Variants in TRAPPC9 observed in about 807,000 individuals in gnomAD.
The protein encoded by TRAPPC9 is trafficking protein particle complex subunit 9, also known as IKK2 binding protein.
In TRAPPC9, 83 loss-of-function variants were observed where a neutral mutation model predicts 124.0. The ratio of observed to expected loss-of-function variants is 0.67; its 90% CI spans 0.56 to 0.80. The LOEUF (loss-of-function observed/expected upper bound fraction) is 0.80. TRAPPC9 is among the 30% of genes least tolerant of loss of function. TRAPPC9 has a pLI of 0.00. For missense variants in TRAPPC9, 1,302 were observed against 1,508.3 expected, an observed-to-expected ratio of 0.86 and a Z score of 2.27; for synonymous variants, 638 against 617.5, an observed-to-expected ratio of 1.03 and a Z score of -0.49.
intron 9 of TRAPPC9, among the ~76,000 whole-genome samples, chr8:140,338,640 C>T (rs1353656883): frequency 1.3e-5 from 2 of 152,190 alleles, no homozygotes; most frequent in African/African-American, 4.8e-5. Context: ...GTCCTTATAA[C>T]GAGAGGGGAT....
At chr8:139,867,652 T>A (rs1481920166) in intron 21 of TRAPPC9, among the ~76,000 whole-genome samples, 1 of 152,220 alleles carries the variant, frequency 6.6e-6, no homozygotes, top group Admixed American at 6.5e-5. Context: ...AGCCTCACTT[T>A]TGTGACATTC....
At chr8:139,942,468 C>T (rs1218584089) in intron 19 of TRAPPC9, among the ~76,000 whole-genome samples, 1 of 152,180 alleles carries the variant, frequency 6.6e-6, no homozygotes, top group East Asian at 1.9e-4. Context: ...ATTCTCAAGA[C>T]ACCTGAGAAA....
chr8:140,292,289 C>G (rs1170864083), intron 11 of TRAPPC9, among the ~76,000 whole-genome samples: 1 of 152,048 alleles, frequency 6.6e-6, no homozygotes, highest in Non-Finnish European at 1.5e-5. Context: ...GTATGATAAC[C>G]CCCGTCACTG....
intron 18 of TRAPPC9, among the ~76,000 whole-genome samples, chr8:140,017,100 T>C (rs1214374952): frequency 6.6e-6 from 1 of 152,238 alleles, no homozygotes; most frequent in African/African-American, 2.4e-5. Flanking sequence ...TCAAATTTTC[T>C]ATTTATCACC....
At chr8:140,035,776 C>A (rs913134802) in intron 17 of TRAPPC9, among the ~76,000 whole-genome samples, 1 of 152,216 alleles carries the variant, frequency 6.6e-6, no homozygotes, top group Non-Finnish European at 1.5e-5. Flanking sequence ...CACCGGGAAT[C>A]GGCCTGAAGA....
intron 21 of TRAPPC9, among the ~76,000 whole-genome samples, chr8:139,792,993 G>A (rs1822805749): frequency 6.6e-6 from 1 of 152,196 alleles, no homozygotes; most frequent in African/African-American, 2.4e-5. Context: ...CACAGGACTA[G>A]CTTGCCACCT....
chr8:140,121,572 G>A (rs979866283), intron 17 of TRAPPC9, among the ~76,000 whole-genome samples: 4 of 152,214 alleles, frequency 2.6e-5, no homozygotes, highest in African/African-American at 9.6e-5. Context: ...AGAAGCCCCA[G>A]AGAGGACAGA....
intron 17 of TRAPPC9, among the ~76,000 whole-genome samples, chr8:140,053,319 A>T (rs995814529): frequency 6.6e-6 from 1 of 152,228 alleles, no homozygotes; most frequent in Admixed American, 6.5e-5. Context: ...AGGCTGACCC[A>T]ATTGTTGTCC....
chr8:139,739,510 G>A (rs1396695955), intron 21 of TRAPPC9, among the ~76,000 whole-genome samples: 1 of 152,218 alleles, frequency 6.6e-6, no homozygotes, highest in East Asian at 1.9e-4. Flanking sequence ...CCCGGGCTGT[G>A]TCCTCCCCGC....
chr8:140,052,718 G>A (rs1405789379), intron 17 of TRAPPC9, among the ~76,000 whole-genome samples: 1 of 151,770 alleles, frequency 6.6e-6, no homozygotes, highest in Non-Finnish European at 1.5e-5. Context: ...GGAAGCAGAG[G>A]TTGCAGTGAG....
chr8:140,168,252 G>A (rs550758475), intron 17 of TRAPPC9, among the ~76,000 whole-genome samples: 1 of 152,172 alleles, frequency 6.6e-6, no homozygotes, highest in Non-Finnish European at 1.5e-5. Flanking sequence ...ATAACATATC[G>A]AAGGTGACAT....
chr8:139,831,471 G>A (rs943059903), intron 21 of TRAPPC9, among the ~76,000 whole-genome samples: 1 of 152,082 alleles, frequency 6.6e-6, no homozygotes, highest in African/African-American at 2.4e-5. Flanking sequence ...ACACACACAC[G>A]CTCAGTCACA....
chr8:140,000,373 T>C (rs532864219), intron 18 of TRAPPC9, among the ~76,000 whole-genome samples: 31 of 152,196 alleles, frequency 2.0e-4, no homozygotes, highest in Admixed American at 7.2e-4. Context: ...AAAGCCAAAA[T>C]AGACAAATGG....
intron 18 of TRAPPC9, among the ~76,000 whole-genome samples, chr8:140,017,869 A>T (rs1442698367): frequency 6.6e-6 from 1 of 152,042 alleles, no homozygotes. Flanking sequence ...TTTGATACAG[A>T]GTCTCGTTCT....
Position 140,370,995 on chromosome 8 carries a change from A to C in TRAPPC9, c.1320T>G (p.Ser440Arg). 1 of 1,614,226 alleles carries C rather than the reference A, an allele frequency of 6.2e-7. No individual in the cohort carries two copies. The highest frequency in any genetic ancestry group is 8.5e-7 in the Non-Finnish European group (1 of 1,180,042). ...TGAAATCTTTGGGATCCAGCGACAG[A>C]CTGTAGCCGGGCAGCGTTTCCAGGA... ...KLLLETLPGYSLSLDPKDFSR... is the reference protein window; with the variant it reads ...KLLLETLPGYRLSLDPKDFSR... Residue 440 changes from serine to arginine, a missense_variant, in exon 8 of 23, where the codon AGT becomes AGG. Ser to Arg is a moderately radical substitution (Grantham distance 110, BLOSUM62 -1). Transcript: ENST00000438773.
In TRAPPC9 at chr8:140,182,159, T is replaced by C. The variant is rs2062219950; in HGVS notation, c.2556+39300A>G. ...CTTTAGTTTCTGTTAATCACTCAGA[T>C]TTTGAATTTCCTCTTTGCTTCAGGT... On this transcript the variant is annotated intron_variant, in intron 17 of 22. Coordinates refer to ENST00000438773, the MANE Select transcript of TRAPPC9 (RefSeq NM_001160372.4). The surrounding 1 kb of genome is among the most constrained non-coding windows in gnomAD (Gnocchi z 4.0). Among the ~76,000 whole-genome samples, 1 of 152,182 alleles carries C rather than the reference T, an allele frequency of 6.6e-6. No individual in the cohort carries two copies. The highest frequency in any genetic ancestry group is 1.5e-5 in the Non-Finnish European group (1 of 68,034).
In TRAPPC9 at chr8:140,014,826, C is replaced by G. The variant is rs115232190; in HGVS notation, c.2699+9111G>C. 7.3e-3 allele frequency among the ~76,000 whole-genome samples: 1,116 copies of G among 152,320 alleles called. 15 individuals carry two copies. The highest frequency in any genetic ancestry group is 0.026 in the African/African-American group (1,075 of 41,562). The stretch of plus-strand genomic sequence containing the variant: ...CACCCCCAGATAGGAATGCCAATGT[C>G]AGAGGGTTCTCGGGAGTGTGCATGG... On this transcript the variant is annotated intron_variant, in intron 18 of 22. Coordinates refer to ENST00000438773, the MANE Select transcript of TRAPPC9 (RefSeq NM_001160372.4).
chr8:139,821,038 C>T (rs1825217224), intron 21 of TRAPPC9, among the ~76,000 whole-genome samples: 1 of 152,124 alleles, frequency 6.6e-6, no homozygotes, highest in South Asian at 2.1e-4. Context: ...AGAAATATAA[C>T]AGACCAGGAA....
At chr8:140,185,055 G>A (rs536972907) in intron 17 of TRAPPC9, among the ~76,000 whole-genome samples, 1 of 152,336 alleles carries the variant, frequency 6.6e-6, no homozygotes, top group East Asian at 1.9e-4. Context: ...TGCCAATAAT[G>A]GCAGGCTAAT....
Sources: allele counts gnomAD v4.1 joint callset (sites outside exome capture counted in the v4.1 genomes callset), GRCh38; gene constraint gnomAD v4.1.1; non-coding constraint Gnocchi (gnomAD v3.1); transcripts MANE v1.5; gene names NCBI Gene and HGNC (gene_info 2026-07-23, HGNC 2026-07-21).